The following FOXN3 variants were observed in gnomAD, a reference collection of about 807,000 sequenced individuals.
FOXN3 encodes the protein forkhead box protein N3.
Under a neutral mutation model 38.4 loss-of-function variants are expected in FOXN3, and 7 were observed. The ratio of observed to expected loss-of-function variants is 0.18; its 90% confidence interval spans 0.10 to 0.34. The LOEUF (loss-of-function observed/expected upper bound fraction) is 0.34. FOXN3 is among the 10% of genes least tolerant of loss of function. FOXN3 has a pLI of 1.00. For missense variants in FOXN3, 456 were observed against 613.4 expected (o/e 0.74, Z 2.71); for synonymous variants, 230 against 242.2 (o/e 0.95, Z 0.47).
intron 1 of FOXN3, among the ~76,000 whole-genome samples, chr14:89,469,864 G>A (rs1893055307): frequency 6.6e-6 from 1 of 152,256 alleles, no homozygotes; most frequent in Admixed American, 6.5e-5. Flanking sequence ...AAACTGTGAA[G>A]TGCAACACAA....
intron 3 of FOXN3, 83 bp downstream of exon 3, chr14:89,350,589 C>A (rs953827679): frequency 8.5e-7 from 1 of 1,178,796 alleles, no homozygotes; most frequent in Admixed American, 3.0e-5. Context: ...TCTCGTACGG[C>A]CTATTAAATT....
intron 5 of FOXN3, among the ~76,000 whole-genome samples, chr14:89,165,615 G>A (rs1034642847): frequency 2.6e-5 from 4 of 152,150 alleles, no homozygotes; most frequent in African/African-American, 9.7e-5. Flanking sequence ...CCTATTTCTT[G>A]GCTGTGTCTT....
chr14:89,575,161 T>C (rs1038681182), intron 1 of FOXN3, among the ~76,000 whole-genome samples: 1 of 152,174 alleles, frequency 6.6e-6, no homozygotes, highest in Non-Finnish European at 1.5e-5. Context: ...TCCTCCTCTA[T>C]TTTCCCTGAC....
chr14:89,278,109 T>C (rs947973704), intron 4 of FOXN3, among the ~76,000 whole-genome samples: 5 of 152,132 alleles, frequency 3.3e-5, no homozygotes, highest in African/African-American at 4.8e-5. Flanking sequence ...AAAGACATAC[T>C]GGAGACTGGG....
At chr14:89,322,797 T>G (rs1168076713) in intron 3 of FOXN3, among the ~76,000 whole-genome samples, 1 of 152,126 alleles carries the variant, frequency 6.6e-6, no homozygotes, top group African/African-American at 2.4e-5. Context: ...GCTATCCAGT[T>G]AGAAGGTCAT....
chr14:89,578,596 C>G (rs564102741), intron 1 of FOXN3, among the ~76,000 whole-genome samples: 1 of 152,274 alleles, frequency 6.6e-6, no homozygotes, highest in South Asian at 2.1e-4. Context: ...CCAAGTCTTT[C>G]CAATCTCAAG....
intron 4 of FOXN3, among the ~76,000 whole-genome samples, chr14:89,209,517 G>A (rs1483139788): frequency 1.3e-5 from 2 of 152,332 alleles, no homozygotes; most frequent in South Asian, 2.1e-4. Flanking sequence ...TTTACACAGC[G>A]GAGTGACGAT....
chr14:89,605,694 AT>A (rs959375381), intron 1 of FOXN3, among the ~76,000 whole-genome samples: 2 of 152,172 alleles, frequency 1.3e-5, no homozygotes, highest in African/African-American at 4.8e-5. Context: ...ATTAGAAAAA[AT>A]ATATTATGTT....
At chr14:89,505,322 C>G (rs867569978) in intron 1 of FOXN3, among the ~76,000 whole-genome samples, 2,677 of 150,184 alleles carry the variant, frequency 0.018, 81 homozygotes, top group African/African-American at 0.063. Context: ...CCTCTGATGC[C>G]GAGCCGAGGC....
chr14:89,323,791 C>A (rs1450292271), intron 3 of FOXN3, among the ~76,000 whole-genome samples: 1 of 152,124 alleles, frequency 6.6e-6, no homozygotes, highest in Non-Finnish European at 1.5e-5. Flanking sequence ...AAGGAGCAGG[C>A]ACAGTGGGTA....
intron 3 of FOXN3, among the ~76,000 whole-genome samples, chr14:89,305,393 G>A (rs1887341832): frequency 6.6e-6 from 1 of 152,196 alleles, no homozygotes; most frequent in Non-Finnish European, 1.5e-5. Flanking sequence ...AGTACCATGA[G>A]CAGATGACAT....
intron 4 of FOXN3, among the ~76,000 whole-genome samples, chr14:89,249,318 T>C (rs541974387): frequency 6.6e-6 from 1 of 152,296 alleles, no homozygotes; most frequent in Admixed American, 6.5e-5. Context: ...CCTTTCCCCT[T>C]TCCCCTGACA....
chr14:89,200,612 C>T (rs1888212462), intron 4 of FOXN3, among the ~76,000 whole-genome samples: 2 of 152,166 alleles, frequency 1.3e-5, no homozygotes, highest in Non-Finnish European at 2.9e-5. Flanking sequence ...TTTCTGTTTT[C>T]TCCGGGCAAC....
At chr14:89,359,149 A>T (rs563840515) in intron 2 of FOXN3, among the ~76,000 whole-genome samples, 1 of 152,216 alleles carries the variant, frequency 6.6e-6, no homozygotes, top group Non-Finnish European at 1.5e-5. Context: ...ACAAAAAATT[A>T]GCTGGGCATG....
At chr14:89,446,065 G>C (rs557087058) in intron 1 of FOXN3, among the ~76,000 whole-genome samples, 5 of 100,240 alleles carry the variant, frequency 5.0e-5, no homozygotes, top group Non-Finnish European at 9.5e-5. Context: ...TCTAGCCTGG[G>C]TAACAGAGCG....
intron 1 of FOXN3, chr14:89,576,440 C>T (rs1410725945): frequency 6.7e-6 from 1 of 149,762 alleles, no homozygotes; most frequent in Non-Finnish European, 1.5e-5. Context: ...CCTTTGAGCC[C>T]AAATGTATAT....
At chr14:89,187,796 G>C (rs991104481) in intron 4 of FOXN3, among the ~76,000 whole-genome samples, 1 of 152,178 alleles carries the variant, frequency 6.6e-6, no homozygotes, top group African/African-American at 2.4e-5. Flanking sequence ...CAAGTGCACA[G>C]AGAAGACGCT....
intron 1 of FOXN3, among the ~76,000 whole-genome samples, chr14:89,524,246 C>T (rs1330525455): frequency 1.7e-4 from 25 of 146,612 alleles, no homozygotes; most frequent in South Asian, 4.3e-4. Context: ...AGGTGGTGGG[C>T]GCCTGTAGTC....
At chr14:89,604,623 G>A (rs1217620246) in intron 1 of FOXN3, among the ~76,000 whole-genome samples, 1 of 152,190 alleles carries the variant, frequency 6.6e-6, no homozygotes, top group Admixed American at 6.5e-5. Context: ...AGCAGGAATA[G>A]CAGCCTGAGA....
Sources: gnomAD v4.1 joint callset for allele counts (sites outside exome capture counted in the v4.1 genomes callset) on GRCh38, gnomAD v4.1.1 for gene constraint, MANE v1.5 for transcripts, NCBI Gene and HGNC (gene_info 2026-07-23, HGNC 2026-07-21) for gene names.